Variants in CACNA1D observed in about 807,000 individuals in gnomAD.
CACNA1D encodes the protein voltage-dependent L-type calcium channel subunit alpha-1D.
In CACNA1D, 55 loss-of-function variants were observed where a neutral mutation model predicts 257.1. The ratio of observed to expected loss-of-function variants is 0.21; its 90% CI spans 0.17 to 0.27. The LOEUF (loss-of-function observed/expected upper bound fraction) is 0.27, where lower values mean the gene tolerates loss of function less well. CACNA1D is among the 10% of genes least tolerant of loss of function. The probability of loss-of-function intolerance (pLI) is 1.00; values close to 1 mark genes in which losing one functional copy is unlikely to be tolerated. For missense variants in CACNA1D, 1,876 were observed against 2,784.0 expected (o/e 0.67, Z 7.34); for synonymous variants, 980 against 1,014.9 (o/e 0.97, Z 0.65).
intron 28 of CACNA1D, among the ~76,000 whole-genome samples, chr3:53,753,272 C>G (rs1035829222): frequency 3.3e-5 from 5 of 152,238 alleles, no homozygotes; most frequent in African/African-American, 1.2e-4. Context: ...GCATTGTGCT[C>G]TGGTCAAGGC....
chr3:53,627,966 C>T (rs1215627088), intron 3 of CACNA1D, among the ~76,000 whole-genome samples: 1 of 151,786 alleles, frequency 6.6e-6, no homozygotes, highest in African/African-American at 2.4e-5. Flanking sequence ...TTGTGGTGGC[C>T]CTGAGATCAC....
At chr3:53,558,515 C>T (rs2092684452) in intron 3 of CACNA1D, among the ~76,000 whole-genome samples, 3 of 152,222 alleles carry the variant, frequency 2.0e-5, no homozygotes, top group Middle Eastern at 6.8e-3. Flanking sequence ...GAGAACTTGT[C>T]CATTTCATGT....
intron 9 of CACNA1D, among the ~76,000 whole-genome samples, chr3:53,717,722 G>C (rs1214246549): frequency 4.6e-5 from 7 of 152,040 alleles, no homozygotes; most frequent in Non-Finnish European, 8.8e-5. Flanking sequence ...CTGTGTATTG[G>C]CTTCACAAGC....
At chr3:53,575,372 A>G (rs2093018824) in intron 3 of CACNA1D, among the ~76,000 whole-genome samples, 1 of 152,044 alleles carries the variant, frequency 6.6e-6, no homozygotes, top group Non-Finnish European at 1.5e-5. Context: ...GGGGCAGAGA[A>G]GTCAGGGTGT....
At chr3:53,640,711 CAT>C (rs758571548) in intron 3 of CACNA1D, among the ~76,000 whole-genome samples, 61 of 152,334 alleles carry the variant, frequency 4.0e-4, no homozygotes, top group African/African-American at 9.1e-4. Context: ...CATGTCAAAA[CAT>C]GTGATATAAT....
intron 4 of CACNA1D, among the ~76,000 whole-genome samples, chr3:53,657,957 T>C (rs953178030): frequency 2.0e-5 from 3 of 152,244 alleles, no homozygotes; most frequent in Non-Finnish European, 4.4e-5. Context: ...CCAACTCTTA[T>C]CCCATGCCTC....
intron 9 of CACNA1D, among the ~76,000 whole-genome samples, chr3:53,704,021 G>A (rs561166516): frequency 1.3e-4 from 20 of 152,312 alleles, no homozygotes; most frequent in African/African-American, 4.6e-4. Context: ...GGGGACTAGC[G>A]TGAGGGAGGC....
At chr3:53,620,320 G>A (rs1303580447) in intron 3 of CACNA1D, among the ~76,000 whole-genome samples, 1 of 152,082 alleles carries the variant, frequency 6.6e-6, no homozygotes, top group African/African-American at 2.4e-5. Flanking sequence ...TTGAGACAGG[G>A]TCTTACTCTG....
intron 3 of CACNA1D, among the ~76,000 whole-genome samples, chr3:53,606,282 G>A (rs1008544703): frequency 6.6e-6 from 1 of 152,220 alleles, no homozygotes; most frequent in African/African-American, 2.4e-5. Flanking sequence ...TTGAGCCAAA[G>A]TACAGAAACC....
At chr3:53,739,787 C>T (rs979059340) in intron 20 of CACNA1D, among the ~76,000 whole-genome samples, 9 of 152,130 alleles carry the variant, frequency 5.9e-5, no homozygotes, top group African/African-American at 1.7e-4. Context: ...GGCTGGAATG[C>T]GAGGGGGCAT....
intron 3 of CACNA1D, among the ~76,000 whole-genome samples, chr3:53,587,069 G>T (rs766493068): frequency 1.3e-5 from 2 of 152,156 alleles, no homozygotes; most frequent in Non-Finnish European, 2.9e-5. Context: ...TGCAAGCCAG[G>T]ATGAGTGCTT....
chr3:53,770,295 A>T (rs2095359273), intron 31 of CACNA1D, 129 bp from the exon 32 acceptor site: 1 of 946,578 alleles, frequency 1.1e-6, no homozygotes, highest in Non-Finnish European at 1.7e-6. Context: ...ATGCTTTTTA[A>T]GATGAAAAGG....
At chr3:53,730,820 CATAAA>C (rs887069553) in intron 16 of CACNA1D, among the ~76,000 whole-genome samples, 4 of 152,168 alleles carry the variant, frequency 2.6e-5, no homozygotes, top group Admixed American at 6.5e-5. Flanking sequence ...ATTTTGGTGT[CATAAA>C]ATAAATGATG....
intron 33 of CACNA1D, among the ~76,000 whole-genome samples, chr3:53,773,199 A>G (rs2095376419): frequency 6.6e-6 from 1 of 151,958 alleles, no homozygotes; most frequent in South Asian, 2.1e-4. Flanking sequence ...CCAGATGCCA[A>G]GACTGAAGAG....
intron 3 of CACNA1D, among the ~76,000 whole-genome samples, chr3:53,538,141 GTTTTTTTT>G (rs538996336): frequency 0.23 from 20,465 of 90,176 alleles, 1,527 homozygotes; most frequent in Non-Finnish European, 0.27. Context: ...AGTTTTTGAA[GTTTTTTTT>G]TTTTTTTTTT....
intron 30 of CACNA1D, among the ~76,000 whole-genome samples, chr3:53,764,283 A>T (rs942666291): frequency 6.6e-6 from 1 of 152,230 alleles, no homozygotes; most frequent in Non-Finnish European, 1.5e-5. Flanking sequence ...GCTCTCTCCG[A>T]AGTTTATGGC....
chr3:53,671,086 T>G (rs969780183), intron 7 of CACNA1D, among the ~76,000 whole-genome samples: 10 of 152,322 alleles, frequency 6.6e-5, no homozygotes, highest in Middle Eastern at 6.8e-3. Flanking sequence ...GTGATACTTC[T>G]GATTTGAGCA....
At chr3:53,591,926 G>A (rs1453278608) in intron 3 of CACNA1D, among the ~76,000 whole-genome samples, 1 of 152,202 alleles carries the variant, frequency 6.6e-6, no homozygotes, top group African/African-American at 2.4e-5. Flanking sequence ...AAAACTGGGT[G>A]ACAGGCTCTC....
chr3:53,610,233 A>G (rs976302744), intron 3 of CACNA1D, among the ~76,000 whole-genome samples: 2 of 152,204 alleles, frequency 1.3e-5, no homozygotes, highest in African/African-American at 4.8e-5. Context: ...ATGTTTTATA[A>G]ATGCCAGGTT....
Sources: gnomAD v4.1 joint callset for allele counts (sites outside exome capture counted in the v4.1 genomes callset) on GRCh38, gnomAD v4.1.1 for gene constraint, MANE v1.5 for transcripts, NCBI Gene and HGNC (gene_info 2026-07-23, HGNC 2026-07-21) for gene names.